The following RBFOX1 variants were observed in gnomAD, a reference collection of about 807,000 sequenced individuals.
RBFOX1 encodes the protein RNA binding protein fox-1 homolog 1.
RBFOX1 carries 8 observed loss-of-function variants against 57.7 expected under a neutral mutation model. That is an observed-to-expected ratio of 0.14 (90% confidence interval 0.08 to 0.25). The LOEUF (loss-of-function observed/expected upper bound fraction) is 0.25, where lower values mean the gene tolerates loss of function less well. RBFOX1 is among the 10% of genes least tolerant of loss of function. RBFOX1 has a pLI of 1.00. For missense variants in RBFOX1, 611 were observed against 548.5 expected (o/e 1.11, Z -1.14); for synonymous variants, 326 against 222.4 (o/e 1.47, Z -4.15).
chr16:6,098,377 C>G (rs948466494), intron 1 of RBFOX1, among the ~76,000 whole-genome samples: 1 of 152,214 alleles, frequency 6.6e-6, no homozygotes. Context: ...GCCCCCAAGC[C>G]TGTTAAGCCT....
downstream of RBFOX1, among the ~76,000 whole-genome samples, chr16:5,600,370 C>T (rs1481557461): frequency 1.3e-5 from 2 of 151,176 alleles, no homozygotes; most frequent in Non-Finnish European, 2.9e-5. Flanking sequence ...CCTGCAGTCT[C>T]AGACACTCGG....
At chr16:5,994,642 A>G (rs536418405) in intron 4 of RBFOX1, among the ~76,000 whole-genome samples, 1 of 152,280 alleles carries the variant, frequency 6.6e-6, no homozygotes, top group South Asian at 2.1e-4. Context: ...TCTGCTCTGC[A>G]GTGGGAAAAC....
chr16:5,345,221 G>T (rs758040313), intron 1 of RBFOX1, among the ~76,000 whole-genome samples: 1 of 152,132 alleles, frequency 6.6e-6, no homozygotes. Flanking sequence ...TTCTCATTCC[G>T]CTTTGTGGCC....
intron 4 of RBFOX1, among the ~76,000 whole-genome samples, chr16:7,273,615 T>C (rs1198379868): frequency 6.6e-6 from 1 of 152,214 alleles, no homozygotes; most frequent in Admixed American, 6.5e-5. Context: ...TCCCAGGATT[T>C]TCCTGACAAT....
At chr16:7,189,881 A>T (rs964618330) in intron 4 of RBFOX1, among the ~76,000 whole-genome samples, 3 of 152,204 alleles carry the variant, frequency 2.0e-5, no homozygotes, top group Non-Finnish European at 4.4e-5. Context: ...AATAGGCCCA[A>T]CTCACATCCA....
At chr16:7,185,343 C>G (rs949051466) in intron 4 of RBFOX1, among the ~76,000 whole-genome samples, 6 of 152,076 alleles carry the variant, frequency 3.9e-5, no homozygotes, top group African/African-American at 1.4e-4. Context: ...TGTTTAATCA[C>G]AGAATCTCAG....
chr16:5,362,100 C>G (rs1032438440), intron 1 of RBFOX1, among the ~76,000 whole-genome samples: 2 of 152,176 alleles, frequency 1.3e-5, no homozygotes, highest in Non-Finnish European at 2.9e-5. Context: ...GATCTGTCAT[C>G]TCAACAAATG....
chr16:7,603,852 G>A (rs952289508), intron 9 of RBFOX1, among the ~76,000 whole-genome samples: 1 of 152,130 alleles, frequency 6.6e-6, no homozygotes, highest in Non-Finnish European at 1.5e-5. Context: ...ATTGAATTCT[G>A]AGTATCAGGA....
intron 5 of RBFOX1, among the ~76,000 whole-genome samples, chr16:7,563,396 A>C (rs775057365): frequency 6.6e-6 from 1 of 152,212 alleles, no homozygotes. Flanking sequence ...CTGGAATTCA[A>C]ATCTAGATAA....
chr16:6,853,356 G>T (rs994128805), intron 3 of RBFOX1, among the ~76,000 whole-genome samples: 1 of 152,114 alleles, frequency 6.6e-6, no homozygotes, highest in Admixed American at 6.6e-5. Flanking sequence ...GTGCATTGTA[G>T]CATACCCTAA....
intron 4 of RBFOX1, among the ~76,000 whole-genome samples, chr16:7,239,341 G>A (rs11648630): frequency 0.67 from 101,434 of 151,802 alleles, 36,028 homozygotes; most frequent in African/African-American, 0.92. Context: ...TCTACTAAAA[G>A]TACAAAAATT....
intron 2 of RBFOX1, among the ~76,000 whole-genome samples, chr16:6,403,809 C>T (rs1025969778): frequency 6.6e-6 from 1 of 152,088 alleles, no homozygotes. Flanking sequence ...AAACCCTACC[C>T]CTGAGAATTA....
At chr16:7,647,661 A>G (rs1029218686) in intron 11 of RBFOX1, among the ~76,000 whole-genome samples, 9 of 152,192 alleles carry the variant, frequency 5.9e-5, no homozygotes, top group Admixed American at 1.3e-4. Flanking sequence ...CAAATACTGG[A>G]TAGGGTGATG....
intron 5 of RBFOX1, among the ~76,000 whole-genome samples, chr16:7,539,444 G>A (rs2082328564): frequency 6.6e-6 from 1 of 152,154 alleles, no homozygotes; most frequent in South Asian, 2.1e-4. Context: ...CTTCTTGTAG[G>A]TGGAACACGG....
At chr16:6,094,452 A>C (rs916915934) in intron 1 of RBFOX1, among the ~76,000 whole-genome samples, 1 of 152,106 alleles carries the variant, frequency 6.6e-6, no homozygotes, top group African/African-American at 2.4e-5. Flanking sequence ...AGAATTAATC[A>C]CTCTCTAAAG....
chr16:6,654,512 G>A, intron 2 of RBFOX1, 91 bp from the exon 3 acceptor site: 1 of 989,440 alleles, frequency 1.0e-6, no homozygotes, highest in Non-Finnish European at 1.4e-6. Context: ...TTATTTTAAA[G>A]GGCATTTCAA....
At chr16:7,207,845 A>C (rs140864532) in intron 4 of RBFOX1, among the ~76,000 whole-genome samples, 2 of 152,266 alleles carry the variant, frequency 1.3e-5, no homozygotes, top group Admixed American at 6.5e-5. Context: ...AGAATATCTT[A>C]CCTTTATTCA....
At chr16:5,410,191 C>G (rs1046515025) in intron 1 of RBFOX1, among the ~76,000 whole-genome samples, 8 of 151,384 alleles carry the variant, frequency 5.3e-5, no homozygotes, top group Non-Finnish European at 2.9e-5. Context: ...TTGCAAGACA[C>G]TGTCTCTACA....
chr16:6,948,635 GCCTC>G (rs1426723912), intron 3 of RBFOX1, among the ~76,000 whole-genome samples: 1 of 151,756 alleles, frequency 6.6e-6, no homozygotes, highest in Non-Finnish European at 1.5e-5. Context: ...GCTCGCCTTG[GCCTC>G]CCAAAGTGCT....
Sources: gnomAD v4.1 joint callset for allele counts (sites outside exome capture counted in the v4.1 genomes callset) on GRCh38, gnomAD v4.1.1 for gene constraint, MANE v1.5 for transcripts, NCBI Gene and HGNC (gene_info 2026-07-23, HGNC 2026-07-21) for gene names.